The following MEF2C variants were observed in gnomAD, a reference collection of about 807,000 sequenced individuals.
MEF2C encodes the protein myocyte-specific enhancer factor 2C.
MEF2C carries 6 observed loss-of-function variants against 50.5 expected under a neutral mutation model. The observed-to-expected ratio is 0.12, with a 90% CI of 0.07 to 0.23. The LOEUF is 0.23. Ranked by LOEUF, MEF2C falls within the 10% of genes least tolerant of loss-of-function variation. The pLI, the probability that MEF2C is intolerant of heterozygous loss-of-function variation, is 1.00. For synonymous variants in MEF2C, 183 were observed against 228.0 expected, an observed-to-expected ratio of 0.80 and a Z score of 1.78; for missense variants, 276 against 605.0, an observed-to-expected ratio of 0.46 and a Z score of 5.70.
intron 3 of MEF2C, among the ~76,000 whole-genome samples, chr5:88,800,917 TA>T (rs1463489277): frequency 1.3e-5 from 2 of 152,216 alleles, no homozygotes; most frequent in Admixed American, 1.3e-4. Context: ...AATATAATCA[TA>T]AAAAAACTGA....
upstream of MEF2C, among the ~76,000 whole-genome samples, chr5:88,885,644 T>C (rs571188113): frequency 6.6e-6 from 1 of 152,342 alleles, no homozygotes; most frequent in African/African-American, 2.4e-5. Context: ...CAAAGATATT[T>C]CGAATACTAA....
intron 6 of MEF2C, chr5:88,735,846 A>C (rs961629103): frequency 4.1e-6 from 4 of 985,314 alleles, no homozygotes; most frequent in Non-Finnish European, 4.8e-6. Flanking sequence ...AGCTCACTTG[A>C]ACATGTAGCT....
upstream of MEF2C, chr5:88,883,650 GC>G (rs1205562677): frequency 2.0e-5 from 3 of 151,860 alleles, no homozygotes; most frequent in African/African-American, 7.3e-5. Context: ...TTTTGTCCTT[GC>G]CTTTGCTTCG....
chr5:88,734,565 GTTTTTTTTTTTTTTTTTTTTT>G (rs66505441), intron 6 of MEF2C: 4 of 537,482 alleles, frequency 7.4e-6, no homozygotes, highest in South Asian at 2.1e-4. Flanking sequence ...AGAAAAGTTT[GTTTTTTTTTTTTTTTTTTTTT>G]TTTTTTTTTT....
intron 1 of MEF2C, among the ~76,000 whole-genome samples, chr5:88,842,417 T>A (rs540272443): frequency 6.6e-6 from 1 of 152,202 alleles, no homozygotes; most frequent in East Asian, 1.9e-4. Context: ...GTCTGTGGAA[T>A]CTGTGACTGT....
chr5:88,798,944 C>T (rs957399825), intron 3 of MEF2C, among the ~76,000 whole-genome samples: 14 of 152,182 alleles, frequency 9.2e-5, no homozygotes, highest in African/African-American at 3.4e-4. Context: ...CTACTTCAGA[C>T]CATTTGCCTG....
At chr5:88,879,528 C>A (rs562878077) in intron 1 of MEF2C, among the ~76,000 whole-genome samples, 34 of 151,986 alleles carry the variant, frequency 2.2e-4, no homozygotes, top group African/African-American at 7.7e-4. Context: ...TATGCATTTT[C>A]TGCTGAATTA....
intron 1 of MEF2C, among the ~76,000 whole-genome samples, chr5:88,827,643 G>T (rs922170692): frequency 1.3e-5 from 2 of 151,816 alleles, no homozygotes; most frequent in East Asian, 1.9e-4. Context: ...ATTGCTTTAA[G>T]AAATGAAAAT....
intron 1 of MEF2C, among the ~76,000 whole-genome samples, chr5:88,899,594 C>T (rs1835439926): frequency 6.6e-6 from 1 of 152,104 alleles, no homozygotes; most frequent in South Asian, 2.1e-4. Flanking sequence ...GAAGAACACT[C>T]TTTAACTCTA....
At chr5:88,743,830 T>G in intron 6 of MEF2C, 1 of 984,230 alleles carries the variant, frequency 1.0e-6, no homozygotes. Context: ...CATAAAATAG[T>G]CAACAATTAA....
In MEF2C at chr5:88,749,098, G is replaced by A. The variant is rs997965581; in HGVS notation, c.609C>T (p.Asp203=). ...AGNTGGLMGG[D]LTSGAGTSAG... ...CACTGGTGCCTGCACCAGACGTGAGGTCTCCACCCATCAGACCACCTATGG... is the reference window on the plus strand; with the variant it reads ...CACTGGTGCCTGCACCAGACGTGAGATCTCCACCCATCAGACCACCTATGG... The change falls in exon 6 of 11, where the codon GAC becomes GAT. Residue 203 remains aspartate (D), a synonymous_variant. Coordinates refer to ENST00000504921, the MANE Select transcript of MEF2C (RefSeq NM_002397.5). 6 of 1,575,714 alleles carry A rather than the reference G, an allele frequency of 3.8e-6. No individual in the cohort carries two copies. The African/African-American group carries it at 8.1e-5, about 21-fold the overall frequency.
In MEF2C at chr5:88,728,382, A is replaced by G. The variant is rs45596931; in HGVS notation, c.1100+111T>C. On this transcript the variant is annotated intron_variant, in intron 10 of 10. Coordinates refer to ENST00000504921, the MANE Select transcript of MEF2C (RefSeq NM_002397.5). ...CTGAAAATTACACTTGGATTTCAAT[A>G]AAGTAGAGTTTTATACCCGTTAATG... The G allele has an allele frequency of 1.0e-3, 890 of 874,502 alleles. 4 individuals carry two copies. In the African/African-American group the frequency reaches 0.014, roughly 14 times the overall value. The allele number at this position is 874,502 out of a possible 1,614,324, so 54.2% of individuals were successfully genotyped here.
chr5:88,741,652 CTATAT>C (rs1766856625), intron 6 of MEF2C: 2 of 974,708 alleles, frequency 2.1e-6, no homozygotes, highest in Non-Finnish European at 2.4e-6. Flanking sequence ...TCTCTTACTA[CTATAT>C]TATAATGTTC....
At chr5:88,866,046 C>G (rs966925983) in intron 1 of MEF2C, among the ~76,000 whole-genome samples, 1 of 152,160 alleles carries the variant, frequency 6.6e-6, no homozygotes, top group Non-Finnish European at 1.5e-5. Context: ...CAGGCGCCCG[C>G]AACCACGCCC....
At chr5:88,791,016 T>C (rs1350651255) in intron 3 of MEF2C, among the ~76,000 whole-genome samples, 2 of 152,226 alleles carry the variant, frequency 1.3e-5, no homozygotes, top group Non-Finnish European at 2.9e-5. Flanking sequence ...CTTAGAACTT[T>C]ACTTTTGAAT....
chr5:88,856,270 G>A (rs894473011), intron 1 of MEF2C, among the ~76,000 whole-genome samples: 2 of 152,216 alleles, frequency 1.3e-5, no homozygotes, highest in Non-Finnish European at 2.9e-5. Flanking sequence ...GTGTTCAAGA[G>A]GTGACTTGGG....
intron 2 of MEF2C, among the ~76,000 whole-genome samples, chr5:88,819,006 A>G (rs1806971332): frequency 6.6e-6 from 1 of 151,928 alleles, no homozygotes; most frequent in East Asian, 1.9e-4. Flanking sequence ...AATTGTCTTA[A>G]AGACCTAATG....
intron 1 of MEF2C, among the ~76,000 whole-genome samples, chr5:88,896,582 A>C (rs1582041899): frequency 6.6e-6 from 1 of 152,198 alleles, no homozygotes; most frequent in African/African-American, 2.4e-5. Flanking sequence ...TACATAAACA[A>C]ATATTTCCCA....
chr5:88,765,672 C>T (rs1338523860), intron 3 of MEF2C, among the ~76,000 whole-genome samples: 1 of 152,164 alleles, frequency 6.6e-6, no homozygotes, highest in Non-Finnish European at 1.5e-5. Context: ...TGTCACTGGT[C>T]AGGTAATGTA....
Sources: gnomAD v4.1 joint callset for allele counts (sites outside exome capture counted in the v4.1 genomes callset) on GRCh38, gnomAD v4.1.1 for gene constraint, MANE v1.5 for transcripts, NCBI Gene and HGNC (gene_info 2026-07-23, HGNC 2026-07-21) for gene names.